The following SETD7 variants were observed in gnomAD, a reference collection of about 807,000 sequenced individuals.
The protein encoded by SETD7 is SET domain containing 7, histone lysine methyltransferase, also known as histone-lysine N-methyltransferase SETD7.
A neutral mutation model predicts 41.8 loss-of-function variants in SETD7; 16 were observed. The ratio of observed to expected loss-of-function variants is 0.38; its 90% CI spans 0.26 to 0.58. The LOEUF (loss-of-function observed/expected upper bound fraction) is 0.58. Ranked by LOEUF, SETD7 falls within the 20% of genes least tolerant of loss-of-function variation. The pLI, the probability that SETD7 is intolerant of heterozygous loss-of-function variation, is 0.64. For missense variants in SETD7, 346 were observed against 459.7 expected, an observed-to-expected ratio of 0.75 and a Z score of 2.26; for synonymous variants, 163 against 169.7, an observed-to-expected ratio of 0.96 and a Z score of 0.31.
intron 3 of SETD7, among the ~76,000 whole-genome samples, chr4:139,529,693 T>C (rs565419663): frequency 6.6e-6 from 1 of 152,348 alleles, no homozygotes; most frequent in East Asian, 1.9e-4. Flanking sequence ...AAATTTTGGA[T>C]TTCTAGTGTG....
intron 2 of SETD7, among the ~76,000 whole-genome samples, chr4:139,534,715 C>T (rs574147304): frequency 5.9e-5 from 9 of 152,192 alleles, no homozygotes; most frequent in Non-Finnish European, 7.4e-5. Flanking sequence ...GGCTCTAGAG[C>T]GGATAAGGAA....
rs927176056 is a variant in SETD7, at chr4:139,507,992, C to T, written c.*3671G>A. 1 of 152,278 alleles carries T rather than the reference C, an allele frequency of 6.6e-6. No individual in the cohort carries two copies. Among genetic ancestry groups the T allele is most frequent in the South Asian group, 2.1e-4 (1 of 4,824 alleles). The allele number at this position is 152,278 out of a possible 1,614,324, so 9.4% of individuals were successfully genotyped here. A position where few individuals can be genotyped will look rare whatever the true frequency, so the allele number is the denominator to read the frequency against. On this transcript the variant is annotated 3_prime_UTR_variant, in exon 8 of 8. Coordinates refer to ENST00000274031, the MANE Select transcript of SETD7 (RefSeq NM_030648.4). ...AACAAAGCAAAACAGAAAATGATAC[C>T]TCTACCTTCTTGGAAGATTTTAAAT...
chr4:139,529,246 A>G, intron 3 of SETD7, 26 bp from the exon 4 acceptor site: 2 of 1,579,866 alleles, frequency 1.3e-6, no homozygotes, highest in Non-Finnish European at 1.7e-6. Flanking sequence ...AAAAACCAGA[A>G]AATATTATAT....
At chr4:139,530,955 C>T (rs1286018369) in intron 3 of SETD7, among the ~76,000 whole-genome samples, 1 of 152,112 alleles carries the variant, frequency 6.6e-6, no homozygotes, top group Non-Finnish European at 1.5e-5. Context: ...ATTTCCTCCT[C>T]TGCTGTATCA....
chr4:139,500,023 A>C (rs1726537760), intron 7 of SETD7, among the ~76,000 whole-genome samples: 1 of 152,160 alleles, frequency 6.6e-6, no homozygotes, highest in Non-Finnish European at 1.5e-5. Context: ...AATTTCCCCT[A>C]TACCTTTGGA....
At chr4:139,522,741 CTTTTTT>C (rs11357611) in intron 5 of SETD7, among the ~76,000 whole-genome samples, 1 of 93,450 alleles carries the variant, frequency 1.1e-5, no homozygotes, top group Non-Finnish European at 1.9e-5. Context: ...CCCAGCTGCT[CTTTTTT>C]TTTTTTTTTT....
Position 139,556,188 on chromosome 4 carries a change from C to T in SETD7, c.-51G>A. 6.4e-7 allele frequency: 1 copy of T among 1,555,294 alleles called. No homozygotes were observed. Among genetic ancestry groups the T allele is most frequent in the South Asian group, 1.2e-5 (1 of 83,886 alleles). On this transcript the variant is annotated 5_prime_UTR_variant, in exon 1 of 8. Transcript: ENST00000274031. ...GGGGCTGCGCGGCTGCCTCCCGTCC[C>T]TCTGGGTGCTCCCGGCGGCTGAGCG...
intron 7 of SETD7, among the ~76,000 whole-genome samples, chr4:139,498,849 G>T (rs960456166): frequency 1.3e-5 from 2 of 152,166 alleles, no homozygotes; most frequent in Non-Finnish European, 2.9e-5. Flanking sequence ...ATTATCTCAT[G>T]CCTGTAATCC....
Position 139,520,402 on chromosome 4 carries a change from GA to G in SETD7, c.645-9del. 2 of 1,537,102 alleles carry G rather than the reference GA, an allele frequency of 1.3e-6. No homozygotes were observed. The highest frequency in any genetic ancestry group is 1.7e-4 in the Middle Eastern group (1 of 5,860). ...GATTCAGCAACATAAACCCTAAATT[GA>G]AAAAAGAGTTGAATAGTGACCTTTT... On this transcript the variant is annotated splice_polypyrimidine_tract_variant and intron_variant, in intron 5 of 7. Coordinates refer to ENST00000274031, the MANE Select transcript of SETD7 (RefSeq NM_030648.4).
At chr4:139,518,276 G>T (rs943857666) in intron 6 of SETD7, among the ~76,000 whole-genome samples, 4 of 152,174 alleles carry the variant, frequency 2.6e-5, no homozygotes, top group African/African-American at 9.7e-5. Context: ...TTACAGGTGT[G>T]CACCACCATG....
At chr4:139,531,482 C>T (rs1311491870) in intron 3 of SETD7, among the ~76,000 whole-genome samples, 1 of 152,178 alleles carries the variant, frequency 6.6e-6, no homozygotes, top group Admixed American at 6.5e-5. Flanking sequence ...TGGCTACTCA[C>T]GAGGCCAGGT....
chr4:139,522,555 A>G (rs984114800), intron 5 of SETD7, among the ~76,000 whole-genome samples: 11 of 152,032 alleles, frequency 7.2e-5, no homozygotes, highest in Non-Finnish European at 1.5e-4. Flanking sequence ...TTGTGAAAAA[A>G]GAAATTGTCT....
intron 2 of SETD7, among the ~76,000 whole-genome samples, chr4:139,543,841 G>A (rs2111167751): frequency 6.6e-6 from 1 of 151,796 alleles, no homozygotes; most frequent in East Asian, 1.9e-4. Context: ...GTGGGCGCCT[G>A]TAGTCCCAGC....
At chr4:139,512,220 C>T (rs905047393) in intron 7 of SETD7, among the ~76,000 whole-genome samples, 5 of 152,198 alleles carry the variant, frequency 3.3e-5, no homozygotes, top group African/African-American at 4.8e-5. Flanking sequence ...GTGCAGCCCG[C>T]CAGCATTTGA....
chr4:139,513,439 A>G (rs1726938065), intron 7 of SETD7, among the ~76,000 whole-genome samples: 1 of 151,978 alleles, frequency 6.6e-6, no homozygotes, highest in African/African-American at 2.4e-5. Context: ...AAAAAAGAAA[A>G]AAAAGATTGG....
chr4:139,494,180 T>G (rs1307438655), downstream of SETD7, among the ~76,000 whole-genome samples: 1 of 152,202 alleles, frequency 6.6e-6, no homozygotes, highest in Non-Finnish European at 1.5e-5. Context: ...AGGCAAGTCT[T>G]ATTTGATTAA....
At chr4:139,528,285 G>A (rs1383284477) in intron 4 of SETD7, among the ~76,000 whole-genome samples, 1 of 152,138 alleles carries the variant, frequency 6.6e-6, no homozygotes, top group African/African-American at 2.4e-5. Flanking sequence ...CTCATACATT[G>A]TGCTCCACGC....
intron 7 of SETD7, among the ~76,000 whole-genome samples, chr4:139,514,689 G>A (rs142844542): frequency 8.7e-4 from 132 of 152,292 alleles, no homozygotes; most frequent in African/African-American, 2.9e-3. Context: ...GCACCAGCCC[G>A]TAGTGAGTGG....
intron 7 of SETD7, among the ~76,000 whole-genome samples, chr4:139,497,410 G>A (rs1211107523): frequency 6.6e-6 from 1 of 151,570 alleles, no homozygotes; most frequent in Non-Finnish European, 1.5e-5. Context: ...AGCCGAGATT[G>A]CGCCATTACT....
Sources: gnomAD v4.1 joint callset for allele counts (sites outside exome capture counted in the v4.1 genomes callset) on GRCh38, gnomAD v4.1.1 for gene constraint, MANE v1.5 for transcripts, NCBI Gene and HGNC (gene_info 2026-07-23, HGNC 2026-07-21) for gene names.